PRICKLE1: variants seen among roughly 807,000 people sequenced by gnomAD.
The protein encoded by PRICKLE1 is prickle planar cell polarity protein 1.
Under a neutral mutation model 70.2 loss-of-function variants are expected in PRICKLE1, and 14 were observed. The ratio of observed to expected loss-of-function variants is 0.20; its 90% confidence interval spans 0.13 to 0.31. The LOEUF (loss-of-function observed/expected upper bound fraction) is 0.31, where lower values mean the gene tolerates loss of function less well. Ranked by LOEUF, PRICKLE1 falls within the 10% of genes least tolerant of loss-of-function variation. The pLI is 1.00. For missense variants in PRICKLE1, 821 were observed against 1,026.2 expected (o/e 0.80, Z 2.73); for synonymous variants, 357 against 379.9 (o/e 0.94, Z 0.70).
intron 5 of PRICKLE1, among the ~76,000 whole-genome samples, chr12:42,468,111 T>G (rs1938174179): frequency 6.6e-6 from 1 of 152,210 alleles, no homozygotes; most frequent in African/African-American, 2.4e-5. Flanking sequence ...GCAACTCTTC[T>G]GTAAATCTAA....
chr12:42,567,628 G>T (rs957231444), intron 1 of PRICKLE1, among the ~76,000 whole-genome samples: 1 of 152,088 alleles, frequency 6.6e-6, no homozygotes, highest in Non-Finnish European at 1.5e-5. Flanking sequence ...AGGAGTTCAA[G>T]ACCAGCCTGG....
Position 42,464,318 on chromosome 12 carries a change from G to C in PRICKLE1, c.1639+77C>G. Reference sequence around the variant, plus strand: ...TTATAGGCATGAGCCACTGCGCCTGGCTTGAATTGCAATTTTTTGAATACA... The same window carrying C: ...TTATAGGCATGAGCCACTGCGCCTGCCTTGAATTGCAATTTTTTGAATACA... On this transcript the variant is annotated intron_variant, in intron 7 of 7. Coordinates refer to ENST00000345127, the MANE Select transcript of PRICKLE1 (RefSeq NM_153026.3). The surrounding 1 kb of genome is among the most constrained non-coding windows in gnomAD (Gnocchi z 4.2). 6.3e-7 allele frequency: 1 copy of C among 1,580,178 alleles called. No individual in the cohort carries two copies. The highest frequency in any genetic ancestry group is 8.7e-7 in the Non-Finnish European group (1 of 1,151,146).
chr12:42,477,340 C>G (rs1593122124), intron 1 of PRICKLE1, among the ~76,000 whole-genome samples: 1 of 151,614 alleles, frequency 6.6e-6, no homozygotes, highest in South Asian at 2.1e-4. Context: ...CCATTGCACT[C>G]TAGCCTGGGC....
At chr12:42,476,954 T>G (rs1441253879) in intron 1 of PRICKLE1, among the ~76,000 whole-genome samples, 1 of 152,216 alleles carries the variant, frequency 6.6e-6, no homozygotes, top group Admixed American at 6.5e-5. Flanking sequence ...CTGACTTCTT[T>G]CTTATTTTTA....
At chr12:42,498,257 C>T (rs1593139696) in intron 1 of PRICKLE1, among the ~76,000 whole-genome samples, 1 of 151,430 alleles carries the variant, frequency 6.6e-6, no homozygotes, top group Non-Finnish European at 1.5e-5. Flanking sequence ...ACTGCAGCCT[C>T]GACCTCCTGA....
chr12:42,514,772 G>C (rs1393522412), intron 1 of PRICKLE1, among the ~76,000 whole-genome samples: 1 of 152,018 alleles, frequency 6.6e-6, no homozygotes, highest in Non-Finnish European at 1.5e-5. Flanking sequence ...AGAAACAGCA[G>C]TTCTCAGTTT....
At chr12:42,491,316 GC>G (rs1260871806) in intron 1 of PRICKLE1, among the ~76,000 whole-genome samples, 1 of 151,016 alleles carries the variant, frequency 6.6e-6, no homozygotes, top group African/African-American at 2.4e-5. Flanking sequence ...ACTTTGGGAG[GC>G]CGAGGTGGGC....
rs1233536174 is a variant in PRICKLE1, at chr12:42,460,281, C to A, written c.2024G>T (p.Arg675Leu). Residue 675 changes from arginine (R) to leucine (L), a missense_variant, in exon 8 of 8, where the codon CGC becomes CTC. By Grantham distance (102) the Arg-to-Leu change is moderately radical. Coordinates refer to ENST00000345127, the MANE Select transcript of PRICKLE1 (RefSeq NM_153026.3). ...ERGSRSHHHR[R>L]RRSRKSRSDN... ...GGAGCGGGACTTTCTACTTCTCCGG[C>A]GGCGGTGGTGATGAGACCTGGATCC... 2 of 1,614,112 alleles carry A rather than the reference C, an allele frequency of 1.2e-6. No individual in the cohort carries two copies. The highest frequency in any genetic ancestry group is 2.2e-5 in the South Asian group (2 of 91,080).
intron 6 of PRICKLE1, chr12:42,465,879 T>C (rs1307232386): frequency 6.7e-6 from 3 of 446,278 alleles, no homozygotes; most frequent in Non-Finnish European, 8.3e-6. Flanking sequence ...AGGTTATGTA[T>C]TGATGGGTTG....
At chr12:42,499,019 T>G (rs1371045523) in intron 1 of PRICKLE1, among the ~76,000 whole-genome samples, 1 of 152,188 alleles carries the variant, frequency 6.6e-6, no homozygotes, top group Non-Finnish European at 1.5e-5. Flanking sequence ...GAGTCATTTT[T>G]CACATACAGT....
At chr12:42,585,048 T>G (rs1306336203) in intron 1 of PRICKLE1, among the ~76,000 whole-genome samples, 1 of 151,396 alleles carries the variant, frequency 6.6e-6, no homozygotes, top group Non-Finnish European at 1.5e-5. Context: ...TTTTTTTTTC[T>G]GAAGTGTAAT....
chr12:42,542,370 G>T (rs939411184), intron 1 of PRICKLE1, among the ~76,000 whole-genome samples: 2 of 151,938 alleles, frequency 1.3e-5, no homozygotes, highest in African/African-American at 2.4e-5. Flanking sequence ...TTATTTTGCG[G>T]CCAGGCACGG....
intron 1 of PRICKLE1, among the ~76,000 whole-genome samples, chr12:42,554,812 T>C (rs1285942740): frequency 6.6e-6 from 1 of 152,316 alleles, no homozygotes; most frequent in Middle Eastern, 3.4e-3. Context: ...TCACCAACTC[T>C]TTCCCTAAGG....
In PRICKLE1 at chr12:42,460,239, A is replaced by C; in HGVS notation, c.2066T>G (p.Leu689Arg). 1 of 1,614,104 alleles carries C rather than the reference A, an allele frequency of 6.2e-7. No individual in the cohort carries two copies. Among genetic ancestry groups the C allele is most frequent in the Non-Finnish European group, 8.5e-7 (1 of 1,180,024 alleles). ...RKSRSDNALN[L>R]VTERKYSPKD... The stretch of plus-strand genomic sequence containing the variant: ...GGGAGAGTATTTTCTTTCTGTAACA[A>C]GATTCAGGGCATTGTCGGAGCGGGA... The change falls in exon 8 of 8, where the codon CTT (leucine) becomes CGT (arginine). Residue 689 changes from leucine (L) to arginine (R), a missense_variant. Leu to Arg is a moderately radical substitution (Grantham distance 102). Transcript: ENST00000345127.
At chr12:42,484,070 G>A (rs1436886051) in intron 1 of PRICKLE1, 1 of 103,166 alleles carries the variant, frequency 9.7e-6, no homozygotes, top group Non-Finnish European at 1.9e-5. Flanking sequence ...GTTTCCTGCC[G>A]ATCCCGCCCT....
intron 5 of PRICKLE1, among the ~76,000 whole-genome samples, chr12:42,467,361 C>T (rs2140109362): frequency 6.6e-6 from 1 of 152,328 alleles, no homozygotes; most frequent in Admixed American, 6.5e-5. Flanking sequence ...GTGATCTGCC[C>T]ATCTCGGCCT....
chr12:42,561,689 A>G (rs928680662), intron 1 of PRICKLE1, among the ~76,000 whole-genome samples: 7 of 152,104 alleles, frequency 4.6e-5, no homozygotes, highest in Non-Finnish European at 1.0e-4. Flanking sequence ...TCCATTTTAG[A>G]TGTCAATTTT....
intron 1 of PRICKLE1, among the ~76,000 whole-genome samples, chr12:42,484,990 A>C (rs916831128): frequency 6.6e-6 from 1 of 152,208 alleles, no homozygotes; most frequent in Non-Finnish European, 1.5e-5. Context: ...CAGTAAATAA[A>C]AGCAATTTAA....
intron 1 of PRICKLE1, among the ~76,000 whole-genome samples, chr12:42,542,931 G>A (rs2120608580): frequency 6.6e-6 from 1 of 152,290 alleles, no homozygotes; most frequent in South Asian, 2.1e-4. Flanking sequence ...GTGGGCGATT[G>A]GGAGGTGATA....
Sources: allele counts gnomAD v4.1 joint callset (sites outside exome capture counted in the v4.1 genomes callset), GRCh38; gene constraint gnomAD v4.1.1; non-coding constraint Gnocchi (gnomAD v3.1); transcripts MANE v1.5; gene names NCBI Gene and HGNC (gene_info 2026-07-23, HGNC 2026-07-21).